Variants in ZGRF1 observed in about 807,000 individuals in gnomAD.
ZGRF1 encodes the protein 5'-3' DNA helicase ZGRF1.
ZGRF1 carries 196 observed loss-of-function variants against 203.5 expected under a neutral mutation model. The ratio of observed to expected loss-of-function variants is 0.96; its 90% CI spans 0.86 to 1.08. The LOEUF (loss-of-function observed/expected upper bound fraction) is 1.08, where lower values mean the gene tolerates loss of function less well. ZGRF1 is among the 50% of genes least tolerant of loss of function. The pLI, the probability that ZGRF1 is intolerant of heterozygous loss-of-function variation, is 0.00. For synonymous variants in ZGRF1, 809 were observed against 841.3 expected (o/e 0.96, Z 0.66); for missense variants, 2,326 against 2,416.3 (o/e 0.96, Z 0.78).
chr4:112,546,567 GA>G lies in ZGRF1; in HGVS notation c.5598+717del, dbSNP rs543049561. On this transcript the variant is annotated intron_variant, in intron 24 of 27. Coordinates refer to ENST00000505019, the MANE Select transcript of ZGRF1 (RefSeq NM_018392.5). Reference sequence around the variant, plus strand: ...TTGAGAGGTGGGACTTTCAAAAGGTGATTTAGGTCATGAGGATTCTGCCTAA... The same window carrying G: ...TTGAGAGGTGGGACTTTCAAAAGGTGTTTAGGTCATGAGGATTCTGCCTAA... 1.2e-3 allele frequency among the ~76,000 whole-genome samples: 178 copies of G among 152,328 alleles called. 1 individual carries two copies. Among genetic ancestry groups the G allele is most frequent in the African/African-American group, 4.1e-3 (169 of 41,576 alleles).
intron 16 of ZGRF1, among the ~76,000 whole-genome samples, chr4:112,578,078 A>C (rs1193808592): frequency 8.1e-6 from 1 of 123,068 alleles, no homozygotes; most frequent in Non-Finnish European, 1.8e-5. Flanking sequence ...ATAACAAACT[A>C]TCTCTCAGAT....
At chr4:112,634,951 G>GA (rs1362115554) in intron 1 of ZGRF1, among the ~76,000 whole-genome samples, 3 of 151,992 alleles carry the variant, frequency 2.0e-5, no homozygotes, top group Non-Finnish European at 2.9e-5. Flanking sequence ...CCAACATGGT[G>GA]AAACCCCGTC....
At chr4:112,606,171 T>C (rs1033641341) in intron 8 of ZGRF1, 80 bp from the exon 9 acceptor site, 51 of 954,036 alleles carry the variant, frequency 5.3e-5, no homozygotes, top group Non-Finnish European at 7.4e-5. Flanking sequence ...GAAAAATAAT[T>C]GCAAAACTTA....
At chr4:112,622,456 G>C (rs1285395354) in intron 4 of ZGRF1, among the ~76,000 whole-genome samples, 6 of 150,184 alleles carry the variant, frequency 4.0e-5, no homozygotes, top group Non-Finnish European at 7.4e-5. Flanking sequence ...GGAGGCAGAG[G>C]CTGCAGTGAG....
intron 24 of ZGRF1, among the ~76,000 whole-genome samples, chr4:112,544,842 G>A (rs1194739380): frequency 6.6e-6 from 1 of 152,146 alleles, no homozygotes; most frequent in Non-Finnish European, 1.5e-5. Flanking sequence ...CCTTGTACAT[G>A]TGCTCAACTG....
At chr4:112,605,492 G>GTAGA (rs1309770912) in intron 9 of ZGRF1, 1 of 152,848 alleles carries the variant, frequency 6.5e-6, no homozygotes, top group Non-Finnish European at 1.5e-5. Flanking sequence ...ATGCTGCCAT[G>GTAGA]TAGATCTCTT....
At chr4:112,549,290 C>T (rs552955714) in intron 22 of ZGRF1, among the ~76,000 whole-genome samples, 10 of 152,130 alleles carry the variant, frequency 6.6e-5, no homozygotes, top group Admixed American at 2.0e-4. Context: ...TAGATGTAAA[C>T]AATAGGGAAA....
chr4:112,540,027 A>G lies in ZGRF1; in HGVS notation c.6008T>C (p.Ile2003Thr). 1 of 1,612,476 alleles carries G rather than the reference A, an allele frequency of 6.2e-7. No homozygotes were observed. Among genetic ancestry groups the G allele is most frequent in the Non-Finnish European group, 8.5e-7 (1 of 1,179,028 alleles). ...VDAFQGAEKEIIILSCVRTRQ... is the reference protein window; with the variant it reads ...VDAFQGAEKETIILSCVRTRQ... ...TGTCCTTACACAGGACAGAATAATG[A>G]TCTCCTTTTCAGCTCCCTGAAAAGC... is the stretch of plus-strand genomic sequence containing the variant. The change falls in exon 27 of 28, where the codon ATC (isoleucine) becomes ACC (threonine). Residue 2003 changes from isoleucine (I) to threonine (T), a missense_variant. Transcript: ENST00000505019.
intron 10 of ZGRF1, among the ~76,000 whole-genome samples, chr4:112,590,303 G>C (rs1747935255): frequency 6.6e-6 from 1 of 152,136 alleles, no homozygotes; most frequent in Non-Finnish European, 1.5e-5. Context: ...TCAAGACATT[G>C]CTCCCAAATG....
chr4:112,545,013 C>A (rs1302933143), intron 24 of ZGRF1, among the ~76,000 whole-genome samples: 1 of 152,062 alleles, frequency 6.6e-6, no homozygotes, highest in African/African-American at 2.4e-5. Context: ...AAGACCTCAA[C>A]ATAAGAGCTA....
chr4:112,565,580 T>G (rs1450065409), intron 16 of ZGRF1, among the ~76,000 whole-genome samples: 2 of 151,006 alleles, frequency 1.3e-5, no homozygotes, highest in Non-Finnish European at 2.9e-5. Flanking sequence ...TGGGAGAAAA[T>G]TTTCACAACC....
Position 112,619,537 on chromosome 4 carries a change from C to T in ZGRF1, c.505G>A (p.Val169Ile), listed in dbSNP as rs759019116. ...PLFPTVGKKD[V>I]NNILADPENI... is the part of the protein sequence containing the mutation. The stretch of plus-strand genomic sequence containing the variant: ...TCAGGGTCTGCCAGTATATTATTTA[C>T]ATCTTTCTTGCCAACAGTAGGAAAC... Residue 169 changes from valine to isoleucine, a missense_variant, in exon 6 of 28, where the codon GTA (valine) becomes ATA (isoleucine). Coordinates refer to ENST00000505019, the MANE Select transcript of ZGRF1 (RefSeq NM_018392.5). 4 of 1,614,134 alleles carry T rather than the reference C, an allele frequency of 2.5e-6. No individual in the cohort carries two copies. The highest frequency in any genetic ancestry group is 3.4e-6 in the Non-Finnish European group (4 of 1,180,000).
At chr4:112,564,108 A>T (rs547626463) in intron 16 of ZGRF1, among the ~76,000 whole-genome samples, 1 of 152,348 alleles carries the variant, frequency 6.6e-6, no homozygotes, top group Non-Finnish European at 1.5e-5. Flanking sequence ...GGCTGAGAAA[A>T]CCAACTGCCA....
chr4:112,566,479 T>G (rs1317197140), intron 16 of ZGRF1, among the ~76,000 whole-genome samples: 2 of 151,008 alleles, frequency 1.3e-5, no homozygotes, highest in East Asian at 3.9e-4. Context: ...ACCCTAAAAC[T>G]TAAAGTATAA....
At chr4:112,572,421 A>C (rs1560782756) in intron 16 of ZGRF1, among the ~76,000 whole-genome samples, 1 of 152,230 alleles carries the variant, frequency 6.6e-6, no homozygotes, top group Non-Finnish European at 1.5e-5. Context: ...TCGAGGATTT[A>C]AATCTAAGAC....
chr4:112,596,676 C>G (rs1047647353), intron 10 of ZGRF1, among the ~76,000 whole-genome samples: 5 of 152,076 alleles, frequency 3.3e-5, no homozygotes, highest in African/African-American at 7.2e-5. Flanking sequence ...TCATTGCAAC[C>G]TCTACCTCCC....
At chr4:112,551,802 T>C (rs13144672) in intron 22 of ZGRF1, among the ~76,000 whole-genome samples, 59,419 of 151,970 alleles carry the variant, frequency 0.39, 11,853 homozygotes, top group South Asian at 0.49. Context: ...TTTAAAGAAA[T>C]ATCTAATACA....
At chr4:112,582,566 G>A (rs184730428) in intron 15 of ZGRF1, among the ~76,000 whole-genome samples, 15 of 151,962 alleles carry the variant, frequency 9.9e-5, no homozygotes, top group East Asian at 7.7e-4. Flanking sequence ...CCATCCTCCC[G>A]TCTCAGCCTC....
At chr4:112,559,252 G>A (rs539985097) in intron 19 of ZGRF1, among the ~76,000 whole-genome samples, 1 of 152,182 alleles carries the variant, frequency 6.6e-6, no homozygotes, top group African/African-American at 2.4e-5. Flanking sequence ...AGGCTGGAGT[G>A]CAGTGGCGCA....
Sources: allele counts gnomAD v4.1 joint callset (sites outside exome capture counted in the v4.1 genomes callset), GRCh38; gene constraint gnomAD v4.1.1; transcripts MANE v1.5; gene names NCBI Gene and HGNC (gene_info 2026-07-23, HGNC 2026-07-21).